Variants in MYO5B observed in about 807,000 individuals in gnomAD.
MYO5B encodes the protein unconventional myosin-Vb.
In MYO5B, 143 loss-of-function variants were observed where a neutral mutation model predicts 229.3. The observed-to-expected ratio is 0.62, with a 90% CI of 0.54 to 0.72. The LOEUF (loss-of-function observed/expected upper bound fraction) is 0.72. MYO5B is among the 30% of genes least tolerant of loss of function. MYO5B has a pLI of 0.00. For missense variants in MYO5B, 2,321 were observed against 2,331.0 expected (o/e 1.00, Z 0.09); for synonymous variants, 918 against 885.2 (o/e 1.04, Z -0.66).
At chr18:50,104,851 G>A (rs2031726193) in intron 1 of MYO5B, among the ~76,000 whole-genome samples, 1 of 152,122 alleles carries the variant, frequency 6.6e-6, no homozygotes, top group African/African-American at 2.4e-5. Flanking sequence ...ATGGACAAGA[G>A]ATATCCCAGA....
At chr18:49,918,799 T>A (rs144710428) in intron 17 of MYO5B, among the ~76,000 whole-genome samples, 1 of 152,222 alleles carries the variant, frequency 6.6e-6, no homozygotes, top group Non-Finnish European at 1.5e-5. Flanking sequence ...ACACTTCTTT[T>A]CCTTTTTGAA....
intron 4 of MYO5B, among the ~76,000 whole-genome samples, chr18:50,004,333 C>T (rs2074556647): frequency 6.6e-6 from 1 of 152,146 alleles, no homozygotes; most frequent in African/African-American, 2.4e-5. Flanking sequence ...AAGAAATTAT[C>T]AAGAGTTATA....
At chr18:50,052,267 G>A (rs1384593899) in intron 2 of MYO5B, among the ~76,000 whole-genome samples, 1 of 151,888 alleles carries the variant, frequency 6.6e-6, no homozygotes, top group Non-Finnish European at 1.5e-5. Flanking sequence ...TATGTTTACT[G>A]CGGCACTATT....
At chr18:50,142,545 T>A (rs901785884) in intron 1 of MYO5B, among the ~76,000 whole-genome samples, 1 of 152,198 alleles carries the variant, frequency 6.6e-6, no homozygotes, top group Non-Finnish European at 1.5e-5. Flanking sequence ...GGGTTTGTGT[T>A]GTCATTTTAA....
At chr18:49,992,658 G>C (rs1598936971) in intron 5 of MYO5B, among the ~76,000 whole-genome samples, 1 of 152,154 alleles carries the variant, frequency 6.6e-6, no homozygotes, top group Admixed American at 6.5e-5. Context: ...GAGTTCATTG[G>C]TGGGGTCTTC....
At chr18:49,953,894 ATGTGTG>A (rs71169463) in intron 13 of MYO5B, among the ~76,000 whole-genome samples, 26,069 of 108,308 alleles carry the variant, frequency 0.24, 3,274 homozygotes, top group African/African-American at 0.37. Context: ...ATATACATAT[ATGTGTG>A]TGTGTGTGTG....
intron 35 of MYO5B, among the ~76,000 whole-genome samples, chr18:49,840,897 G>T (rs1180768330): frequency 6.6e-6 from 1 of 152,206 alleles, no homozygotes; most frequent in Non-Finnish European, 1.5e-5. Context: ...TTGCACACAC[G>T]TAGTTCTGAT....
At chr18:50,043,910 A>C (rs1406104402) in intron 2 of MYO5B, among the ~76,000 whole-genome samples, 1 of 151,944 alleles carries the variant, frequency 6.6e-6, no homozygotes, top group African/African-American at 2.4e-5. Context: ...AGTGAGGGAT[A>C]AAAGACTACA....
At chr18:50,163,991 A>C (rs1407910755) in intron 1 of MYO5B, among the ~76,000 whole-genome samples, 1 of 152,256 alleles carries the variant, frequency 6.6e-6, no homozygotes, top group Non-Finnish European at 1.5e-5. Flanking sequence ...AAAAATATCA[A>C]AAATTGTTCA....
intron 4 of MYO5B, among the ~76,000 whole-genome samples, chr18:50,016,195 T>G (rs2026213579): frequency 6.6e-6 from 1 of 152,212 alleles, no homozygotes; most frequent in African/African-American, 2.4e-5. Flanking sequence ...ACTGTTTCAT[T>G]AATCTCATTC....
chr18:50,130,470 T>TGC (rs2032237984), intron 1 of MYO5B, among the ~76,000 whole-genome samples: 1 of 152,178 alleles, frequency 6.6e-6, no homozygotes, highest in Non-Finnish European at 1.5e-5. Flanking sequence ...CCCTGAGATG[T>TGC]ACACACATGC....
chr18:50,194,750 C>T lies in MYO5B; in HGVS notation c.27+17G>A. On this transcript the variant is annotated intron_variant, in intron 1 of 39. Transcript: ENST00000285039. ...GCCACCCCGGCCCCGGGGCGCCTCC[C>T]TCGCGGCCGCGCTCACCTGGCTGTA... is the stretch of plus-strand genomic sequence containing the variant. 4 of 1,480,102 alleles carry T rather than the reference C, an allele frequency of 2.7e-6. No homozygotes were observed. Among genetic ancestry groups the T allele is most frequent in the Non-Finnish European group, 3.6e-6 (4 of 1,119,194 alleles). 91.7% of individuals were successfully genotyped at this position (1,480,102 alleles called of 1,614,324 possible).
rs937800954 is a variant in MYO5B, at chr18:50,120,086, A to G, written c.28-64708T>C. On this transcript the variant is annotated intron_variant, in intron 1 of 39. Coordinates refer to ENST00000285039, the MANE Select transcript of MYO5B (RefSeq NM_001080467.3). ...GTTCTCCACAGAAAGTGGTGTGTGC[A>G]TTTACAAAACTTAAGTATTTAAGCA... 3.3e-5 allele frequency among the ~76,000 whole-genome samples: 5 copies of G among 152,262 alleles called. No homozygotes were observed. The East Asian group carries it at 9.6e-4, about 29-fold the overall frequency.
In MYO5B at chr18:49,891,233, C is replaced by T. The variant is rs74941385; in HGVS notation, c.3045+3708G>A. Among the ~76,000 whole-genome samples, 1,208 of 152,264 alleles carry T rather than the reference C, an allele frequency of 7.9e-3. 11 individuals carry two copies. Among genetic ancestry groups the T allele is most frequent in the African/African-American group, 0.027 (1,116 of 41,548 alleles). On this transcript the variant is annotated intron_variant, in intron 22 of 39. Coordinates refer to ENST00000285039, the MANE Select transcript of MYO5B (RefSeq NM_001080467.3). ...CACCTGTCACCTGTTATCCCCAAAT[C>T]GCCTTGGCTTATCTTCTCCCCTTAC...
chr18:50,145,497 CAAAAAAAAAAAAAAAAAAAAAAA>C (rs369507800), intron 1 of MYO5B, among the ~76,000 whole-genome samples: 19 of 70,008 alleles, frequency 2.7e-4, no homozygotes, highest in African/African-American at 4.6e-4. Flanking sequence ...GACTCCATCT[CAAAAAAAAAAAAAAAAAAAAAAA>C]AAAAAAAAAA....
At chr18:49,885,755 G>A (rs2024635458) in intron 22 of MYO5B, among the ~76,000 whole-genome samples, 1 of 152,072 alleles carries the variant, frequency 6.6e-6, no homozygotes, top group Admixed American at 6.5e-5. Context: ...GGGGTCACTG[G>A]CTCTCCCCAC....
At chr18:50,036,726 C>A in intron 4 of MYO5B, 124 bp downstream of exon 4, 2 of 1,158,986 alleles carry the variant, frequency 1.7e-6, no homozygotes, top group Admixed American at 3.8e-5. Flanking sequence ...GCTTTGTTTC[C>A]AAGATGTTTC....
At chr18:50,077,007 C>T (rs1398192107) in intron 1 of MYO5B, among the ~76,000 whole-genome samples, 3 of 150,768 alleles carry the variant, frequency 2.0e-5, no homozygotes, top group Non-Finnish European at 4.4e-5. Flanking sequence ...AATATATTTC[C>T]TTTTTATGCC....
At chr18:49,879,188 A>G in intron 23 of MYO5B, 98 bp from the exon 24 acceptor site, 2 of 1,479,832 alleles carry the variant, frequency 1.4e-6, no homozygotes, top group Non-Finnish European at 1.9e-6. Flanking sequence ...GAGGCTGCCC[A>G]TGACGAGCTC....
Sources: gnomAD v4.1 joint callset for allele counts (sites outside exome capture counted in the v4.1 genomes callset) on GRCh38, gnomAD v4.1.1 for gene constraint, MANE v1.5 for transcripts, NCBI Gene and HGNC (gene_info 2026-07-23, HGNC 2026-07-21) for gene names.